PCCA: variants seen among roughly 807,000 people sequenced by gnomAD.
The protein encoded by PCCA is propionyl-CoA carboxylase alpha chain, mitochondrial.
Under a neutral mutation model 101.3 loss-of-function variants are expected in PCCA, and 74 were observed. That is an observed-to-expected ratio of 0.73 (90% confidence interval 0.61 to 0.89). The LOEUF is 0.89. Ranked by LOEUF, PCCA falls within the 40% of genes least tolerant of loss-of-function variation. PCCA has a pLI of 0.00. For missense variants in PCCA, 891 were observed against 907.0 expected (o/e 0.98, Z 0.23); for synonymous variants, 294 against 313.6 (o/e 0.94, Z 0.66).
chr13:100,264,013 ACGG>A lies in PCCA; in HGVS notation c.819+1183_819+1185del, dbSNP rs2062732868. ...TACGGTATCTGTATATCGTATATATACGGTATCTGTATATCGTATATATACGGT... is the reference window on the plus strand; with the variant it reads ...TACGGTATCTGTATATCGTATATATATATCTGTATATCGTATATATACGGT... On this transcript the variant is annotated intron_variant, in intron 10 of 23. Coordinates refer to ENST00000376285, the MANE Select transcript of PCCA (RefSeq NM_000282.4). 1.2e-4 allele frequency among the ~76,000 whole-genome samples: 18 copies of A among 150,060 alleles called. No individual in the cohort carries two copies. The South Asian group carries it at 3.6e-3, about 30-fold the overall frequency.
At chr13:100,215,281 A>ACC (rs2152488413) in intron 7 of PCCA, among the ~76,000 whole-genome samples, 1 of 152,382 alleles carries the variant, frequency 6.6e-6, no homozygotes, top group South Asian at 2.1e-4. Flanking sequence ...GTAGATATTT[A>ACC]CCAAGTGCAC....
chr13:100,242,571 C>T (rs2061205909), intron 8 of PCCA, among the ~76,000 whole-genome samples: 2 of 152,026 alleles, frequency 1.3e-5, no homozygotes, highest in Non-Finnish European at 1.5e-5. Flanking sequence ...GACCATTCTA[C>T]CCAATAACAA....
At chr13:100,284,264 G>C (rs1302027397) in intron 12 of PCCA, among the ~76,000 whole-genome samples, 2 of 152,100 alleles carry the variant, frequency 1.3e-5, no homozygotes, top group Non-Finnish European at 2.9e-5. Flanking sequence ...CCTTTATTAG[G>C]GAGGGATATA....
chr13:100,098,073 C>T (rs940073170), intron 1 of PCCA, among the ~76,000 whole-genome samples: 1 of 151,132 alleles, frequency 6.6e-6, no homozygotes, highest in Admixed American at 6.6e-5. Context: ...GATGTGTAGT[C>T]TCAGCTACTT....
intron 7 of PCCA, among the ~76,000 whole-genome samples, chr13:100,223,609 C>A (rs993551150): frequency 1.6e-4 from 25 of 152,110 alleles, no homozygotes; most frequent in African/African-American, 6.0e-4. Context: ...AACAAAGCTT[C>A]CACAGTGTGG....
intron 18 of PCCA, among the ~76,000 whole-genome samples, chr13:100,359,816 T>C (rs1361527137): frequency 6.6e-6 from 1 of 152,238 alleles, no homozygotes; most frequent in Non-Finnish European, 1.5e-5. Context: ...GTAAGAGTTA[T>C]ATCCTGCTCA....
intron 21 of PCCA, among the ~76,000 whole-genome samples, chr13:100,472,619 G>A (rs1326010320): frequency 2.6e-5 from 4 of 152,052 alleles, no homozygotes; most frequent in African/African-American, 4.8e-5. Flanking sequence ...AACCTTAGTG[G>A]GGCTTCCTCG....
chr13:100,090,994 A>AAG (rs2046231757), intron 1 of PCCA, among the ~76,000 whole-genome samples: 1 of 151,528 alleles, frequency 6.6e-6, no homozygotes, highest in Non-Finnish European at 1.5e-5. Flanking sequence ...TAACAAACAG[A>AAG]GATGAATGTT....
At chr13:100,527,065 C>T (rs544250602) in intron 22 of PCCA, among the ~76,000 whole-genome samples, 30 of 151,092 alleles carry the variant, frequency 2.0e-4, no homozygotes, top group Non-Finnish European at 3.4e-4. Context: ...CCCAGTTCCC[C>T]GGGACTATAG....
Position 100,341,957 on chromosome 13 carries a change from GTATATATATATA to G in PCCA, c.1643+1712_1643+1723del, listed in dbSNP as rs35822001. On this transcript the variant is annotated intron_variant, in intron 18 of 23. Transcript: ENST00000376285. ...TAATGTTTTGGTAGAACCCTTCAAA[GTATATATATATA>G]TATATATATATATGTATTTATGTGT... 6.2e-3 allele frequency among the ~76,000 whole-genome samples: 660 copies of G among 107,152 alleles called. 32 individuals are homozygous for G. The highest frequency in any genetic ancestry group is 0.027 in the African/African-American group (628 of 23,370). The allele number at this position is 107,152 out of a possible 152,430, so 70.3% of individuals were successfully genotyped here.
intron 20 of PCCA, among the ~76,000 whole-genome samples, chr13:100,442,617 G>C (rs1043404123): frequency 6.6e-6 from 1 of 152,202 alleles, no homozygotes; most frequent in Non-Finnish European, 1.5e-5. Context: ...CAGTGTTCTA[G>C]ACTCTGCAGA....
Position 100,258,304 on chromosome 13 carries a change from C to T in PCCA, c.716+631C>T, listed in dbSNP as rs537705414. On this transcript the variant is annotated intron_variant, in intron 9 of 23. Coordinates refer to ENST00000376285, the MANE Select transcript of PCCA (RefSeq NM_000282.4). ...CAAATTCAAGGGGAGGGGACTGAGT[C>T]TTCACTTCTTCATGAGAGCGTGGGC... 8.5e-5 allele frequency among the ~76,000 whole-genome samples: 13 copies of T among 152,286 alleles called. No homozygotes were observed. The South Asian group carries it at 2.3e-3, about 27-fold the overall frequency.
intron 21 of PCCA, among the ~76,000 whole-genome samples, chr13:100,503,855 CTGTGA>C (rs1479164677): frequency 6.6e-6 from 1 of 152,208 alleles, no homozygotes; most frequent in African/African-American, 2.4e-5. Flanking sequence ...CTGCAGTGAG[CTGTGA>C]TCACACTACT....
intron 16 of PCCA, among the ~76,000 whole-genome samples, chr13:100,321,163 T>C (rs1208909063): frequency 6.6e-6 from 1 of 152,210 alleles, no homozygotes; most frequent in Non-Finnish European, 1.5e-5. Flanking sequence ...ACACCAAAGC[T>C]GTCATTTCCT....
chr13:100,181,868 G>A (rs529484262), intron 6 of PCCA, among the ~76,000 whole-genome samples: 47 of 146,320 alleles, frequency 3.2e-4, no homozygotes, highest in African/African-American at 2.5e-4. Flanking sequence ...GTGTTCAAGC[G>A]ATTCTCCTGC....
Position 100,483,237 on chromosome 13 carries a change from A to G in PCCA, c.1900-32190A>G, listed in dbSNP as rs9554689. Reference sequence around the variant, plus strand: ...CATCTAAGTCTTTCTATTAGGAACAAAAGTGAGCCTTTCAGGGAAAAAAAA... The same window carrying G: ...CATCTAAGTCTTTCTATTAGGAACAGAAGTGAGCCTTTCAGGGAAAAAAAA... On this transcript the variant is annotated intron_variant, in intron 21 of 23. Transcript: ENST00000376285. Among the ~76,000 whole-genome samples, 659 of 152,282 alleles carry G rather than the reference A, an allele frequency of 4.3e-3. 33 individuals are homozygous for G. In the East Asian group the frequency reaches 0.098, roughly 23 times the overall value.
chr13:100,136,029 T>TC (rs2152333175), intron 4 of PCCA, among the ~76,000 whole-genome samples: 1 of 152,272 alleles, frequency 6.6e-6, no homozygotes, highest in Non-Finnish European at 1.5e-5. Context: ...GGATTGGACT[T>TC]CTTAATTTTT....
intron 6 of PCCA, among the ~76,000 whole-genome samples, chr13:100,196,231 G>A (rs529872742): frequency 2.1e-4 from 32 of 152,074 alleles, no homozygotes; most frequent in Admixed American, 5.9e-4. Flanking sequence ...TAAGTACCTT[G>A]GTCAGAAACC....
At chr13:100,410,567 A>G (rs897295324) in intron 19 of PCCA, among the ~76,000 whole-genome samples, 1 of 152,186 alleles carries the variant, frequency 6.6e-6, no homozygotes, top group Non-Finnish European at 1.5e-5. Flanking sequence ...AAGTCTACAC[A>G]CAGTGGAGCT....
Sources: allele counts gnomAD v4.1 joint callset (sites outside exome capture counted in the v4.1 genomes callset), GRCh38; gene constraint gnomAD v4.1.1; transcripts MANE v1.5; gene names NCBI Gene and HGNC (gene_info 2026-07-23, HGNC 2026-07-21).